Variants in SEPTIN6 observed in about 807,000 individuals in gnomAD.
SEPTIN6 encodes the protein septin 6, also known as septin-6.
SEPTIN6 carries 8 observed loss-of-function variants against 33.6 expected under a neutral mutation model. The observed-to-expected ratio is 0.24, with a 90% CI of 0.14 to 0.43. The LOEUF is 0.43. SEPTIN6 is among the 20% of genes least tolerant of loss of function. The probability of loss-of-function intolerance (pLI) is 1.00; values close to 1 mark genes in which losing one functional copy is unlikely to be tolerated. For synonymous variants in SEPTIN6, 131 were observed against 140.0 expected (o/e 0.94, Z 0.45); for missense variants, 250 against 340.8 (o/e 0.73, Z 2.10).
Position 119,629,297 on chromosome X carries a change from C to T in SEPTIN6, c.1280+21G>A. On this transcript the variant is annotated intron_variant, in intron 9 of 10. Coordinates refer to ENST00000394610, the MANE Select transcript of SEPTIN6 (RefSeq NM_145799.4). ...GCAGGAGGAAAGAGAAGGCACCACC[C>T]CAGAGCAGCCTGCTACTTACTTTTT... 2 of 1,203,724 alleles carry T rather than the reference C, an allele frequency of 1.7e-6. No individual in the cohort carries two copies. The highest frequency in any genetic ancestry group is 2.2e-6 in the Non-Finnish European group (2 of 889,963).
At chrX:119,648,391 G>C (rs1328154981) in intron 5 of SEPTIN6, among the ~76,000 whole-genome samples, 3 of 111,723 alleles carry the variant, frequency 2.7e-5, no homozygotes, top group Non-Finnish European at 5.6e-5. Flanking sequence ...CCAGACATCA[G>C]TGCCCGTGGC....
chrX:119,616,735 A>T (rs766858013), downstream of SEPTIN6: 6 of 1,194,615 alleles, frequency 5.0e-6, no homozygotes, highest in Admixed American at 2.2e-5. Flanking sequence ...AGACAAGATT[A>T]AAAAAAGCTG....
intron 2 of SEPTIN6, among the ~76,000 whole-genome samples, chrX:119,670,657 G>T (rs780403693): frequency 9.2e-6 from 1 of 108,266 alleles, no homozygotes; most frequent in Non-Finnish European, 1.9e-5. Context: ...AAAAATTCTC[G>T]GCCGGACGCA....
At chrX:119,629,111 C>T in intron 9 of SEPTIN6, 1 of 407,697 alleles carries the variant, frequency 2.5e-6, no homozygotes, top group Admixed American at 4.1e-5. Flanking sequence ...GGGACCACAC[C>T]CCTCTGCTAC....
At position 119,618,905 on chromosome X, in the gene SEPTIN6, G is replaced by A; in HGVS notation, c.*1188C>T. On this transcript the variant is annotated 3_prime_UTR_variant, in exon 11 of 11. Transcript: ENST00000394610. ...CCACTGTGCCTCATAACCCTGACAA[G>A]GGAGGGCTCTCTACTTCACAGAGGT... 1 of 1,128,341 alleles carries A rather than the reference G, an allele frequency of 8.9e-7. No individual in the cohort carries two copies. The highest frequency in any genetic ancestry group is 2.4e-5 in the South Asian group (1 of 41,066). 93.0% of individuals were successfully genotyped at this position (1,128,341 alleles called of 1,213,427 possible).
intron 3 of SEPTIN6, among the ~76,000 whole-genome samples, chrX:119,658,227 CATAA>C (rs770032129): frequency 2.9e-4 from 33 of 112,340 alleles, no homozygotes; most frequent in South Asian, 1.8e-3. Context: ...CATCTACGCA[CATAA>C]ATAGAGAGAA....
chrX:119,682,982 G>A, intron 1 of SEPTIN6, among the ~76,000 whole-genome samples: 1 of 112,711 alleles, frequency 8.9e-6, no homozygotes, highest in South Asian at 3.6e-4. Flanking sequence ...GCCAGGTACG[G>A]TGGCTCATGC....
At position 119,619,233 on chromosome X, in the gene SEPTIN6, G is replaced by T; in HGVS notation, c.*860C>A. 4.9e-6 allele frequency: 4 copies of T among 819,821 alleles called. No individual in the cohort carries two copies. The highest frequency in any genetic ancestry group is 5.9e-6 in the Non-Finnish European group (4 of 680,332). The allele number at this position is 819,821 out of a possible 1,213,427, so 67.6% of individuals were successfully genotyped here. A position where few individuals can be genotyped will look rare whatever the true frequency, so the allele number is the denominator to read the frequency against. On this transcript the variant is annotated 3_prime_UTR_variant, in exon 11 of 11. Coordinates refer to ENST00000394610, the MANE Select transcript of SEPTIN6 (RefSeq NM_145799.4). ...CTACTGGCCTCACCTTATTGGGACA[G>T]TATGGAGCCCTTCCGGAAATTACCC...
chrX:119,657,846 C>T (rs1054759648), intron 3 of SEPTIN6, among the ~76,000 whole-genome samples: 1 of 112,236 alleles, frequency 8.9e-6, no homozygotes, highest in African/African-American at 3.2e-5. Flanking sequence ...CTATTCTCGA[C>T]CGGGTGCGGT....
At chrX:119,677,080 T>C (rs1328895281) in intron 1 of SEPTIN6, among the ~76,000 whole-genome samples, 8 of 111,759 alleles carry the variant, frequency 7.2e-5, no homozygotes, top group Non-Finnish European at 1.5e-4. Flanking sequence ...TTATTCACTG[T>C]GGGGTTATCC....
chrX:119,638,803 G>A (rs1430517646), intron 6 of SEPTIN6, among the ~76,000 whole-genome samples: 1 of 112,274 alleles, frequency 8.9e-6, no homozygotes, highest in East Asian at 2.8e-4. Flanking sequence ...CAGAAGGAGT[G>A]CCTCCGAGGG....
chrX:119,666,759 C>T (rs1195288340), intron 2 of SEPTIN6, among the ~76,000 whole-genome samples: 3 of 111,186 alleles, frequency 2.7e-5, no homozygotes, highest in Non-Finnish European at 5.7e-5. Context: ...CTTTTTCCTC[C>T]CCTAAAGGAA....
chrX:119,646,884 G>A (rs1191686768), intron 5 of SEPTIN6: 4 of 182,129 alleles, frequency 2.2e-5, no homozygotes, highest in Non-Finnish European at 5.1e-5. Flanking sequence ...AAGACTCTGG[G>A]GACTTTTGAC....
chrX:119,632,708 A>G (rs2053989359), intron 8 of SEPTIN6, among the ~76,000 whole-genome samples: 1 of 109,234 alleles, frequency 9.2e-6, no homozygotes, highest in African/African-American at 3.3e-5. Flanking sequence ...GCTCACTGTA[A>G]CCTCCACTTC....
chrX:119,625,277 TG>T, intron 10 of SEPTIN6, 57 bp downstream of exon 10: 1 of 814,398 alleles, frequency 1.2e-6, no homozygotes, highest in Non-Finnish European at 1.9e-6. Context: ...GGTGCGGGAT[TG>T]GGGGAGATAT....
At chrX:119,679,791 C>T (rs1237047357) in intron 1 of SEPTIN6, among the ~76,000 whole-genome samples, 1 of 111,764 alleles carries the variant, frequency 8.9e-6, no homozygotes, top group Non-Finnish European at 1.9e-5. Context: ...ACCCAGGAGG[C>T]GGAGTTTGCA....
intron 8 of SEPTIN6, among the ~76,000 whole-genome samples, chrX:119,632,047 A>C (rs1474843797): frequency 9.4e-6 from 1 of 106,944 alleles, no homozygotes. Flanking sequence ...AGGTGTGAGC[A>C]ACTGCGCCCA....
Position 119,619,353 on chromosome X carries a change from G to A in SEPTIN6, c.*740C>T. On this transcript the variant is annotated 3_prime_UTR_variant, in exon 11 of 11. Coordinates refer to ENST00000394610, the MANE Select transcript of SEPTIN6 (RefSeq NM_145799.4). ...AATATTCAGGTTTATTCTCCCTTTT[G>A]CATCTGTGGGATACCCAGAGTTAGA... The A allele has an allele frequency of 1.2e-6, 1 of 813,496 alleles. No individual in the cohort carries two copies. The highest frequency in any genetic ancestry group is 1.5e-6 in the Non-Finnish European group (1 of 675,963). 67.0% of individuals were successfully genotyped at this position (813,496 alleles called of 1,213,427 possible). A position where few individuals can be genotyped will look rare whatever the true frequency, so the allele number is the denominator to read the frequency against.
At chrX:119,643,607 C>G (rs1193303102) in intron 5 of SEPTIN6, among the ~76,000 whole-genome samples, 1 of 111,430 alleles carries the variant, frequency 9.0e-6, no homozygotes, top group Non-Finnish European at 1.9e-5. Context: ...CGTCAGTCTG[C>G]TTTGATAAGT....
Sources: gnomAD v4.1 joint callset for allele counts (sites outside exome capture counted in the v4.1 genomes callset) on GRCh38, gnomAD v4.1.1 for gene constraint, MANE v1.5 for transcripts, NCBI Gene and HGNC (gene_info 2026-07-23, HGNC 2026-07-21) for gene names.